SFRP2: variants seen among roughly 807,000 people sequenced by gnomAD.
SFRP2 encodes the protein secreted frizzled related protein 2.
Under a neutral mutation model 26.0 loss-of-function variants are expected in SFRP2, and 16 were observed. The observed-to-expected ratio is 0.61, with a 90% confidence interval of 0.42 to 0.93. SFRP2 has a LOEUF of 0.93. SFRP2 is among the 40% of genes least tolerant of loss of function. The probability of loss-of-function intolerance (pLI) is 0.00; values close to 1 mark genes in which losing one functional copy is unlikely to be tolerated. For synonymous variants in SFRP2, 173 were observed against 167.3 expected (o/e 1.03, Z -0.26); for missense variants, 343 against 392.4 (o/e 0.87, Z 1.06).
chr4:153,788,620 C>A lies in SFRP2; in HGVS notation c.216G>T (p.Val72=), dbSNP rs1234610885. The A allele has an allele frequency of 2.5e-6, 4 of 1,614,190 alleles. No homozygotes were observed. The South Asian group carries it at 4.4e-5, about 18-fold the overall frequency. Residue 72 remains valine (V), a synonymous_variant, in exon 1 of 3, where the codon GTG becomes GTT. Coordinates refer to ENST00000274063, the MANE Select transcript of SFRP2 (RefSeq NM_003013.3). ...GGATCCAAGCGCCGGCCTGCTCCAG[C>A]ACCTCCTTCATGGTCTCGTGGCCCA... ...NLLGHETMKE[V]LEQAGAWIPL... is the part of the protein sequence containing the mutation.
intron 2 of SFRP2, among the ~76,000 whole-genome samples, chr4:153,784,410 C>T (rs187388602): frequency 3.3e-5 from 5 of 152,304 alleles, no homozygotes; most frequent in Admixed American, 1.3e-4. Flanking sequence ...TATGAAACCC[C>T]GTCAGCCCCA....
chr4:153,785,854 T>C lies in SFRP2; in HGVS notation c.583+10A>G. Reference sequence around the variant, plus strand: ...AATGTGAAATCTGTTGTTGTTGTTGTATTACTTACCAAAATCATTTTTACA... The same window carrying C: ...AATGTGAAATCTGTTGTTGTTGTTGCATTACTTACCAAAATCATTTTTACA... On this transcript the variant is annotated intron_variant, in intron 2 of 2. Transcript: ENST00000274063. 1 of 1,529,908 alleles carries C rather than the reference T, an allele frequency of 6.5e-7. No individual in the cohort carries two copies. Among genetic ancestry groups the C allele is most frequent in the Non-Finnish European group, 8.9e-7 (1 of 1,118,970 alleles). 94.8% of individuals were successfully genotyped at this position (1,529,908 alleles called of 1,614,324 possible).
chr4:153,788,414 T>C lies in SFRP2; in HGVS notation c.422A>G (p.Glu141Gly). 6.2e-7 allele frequency: 1 copy of C among 1,614,016 alleles called. No homozygotes were observed. The highest frequency in any genetic ancestry group is 8.5e-7 in the Non-Finnish European group (1 of 1,180,030). Residue 141 changes from glutamate to glycine, a missense_variant, in exon 1 of 3, where the codon GAG becomes GGG. Glu to Gly is a moderately conservative substitution (Grantham distance 98). Coordinates refer to ENST00000274063, the MANE Select transcript of SFRP2 (RefSeq NM_003013.3). ...GTTGTCCTGGGGGAAACGGTCGCAC[T>C]CAAGCATGTCGGGCCAGGGGAAGCC... Reference protein sequence around the residue: ...AFGFPWPDMLECDRFPQDNDL... With the variant: ...AFGFPWPDMLGCDRFPQDNDL...
Position 153,788,543 on chromosome 4 carries a change from A to T in SFRP2, c.293T>A (p.Leu98His). ...HPDTKKFLCSLFAPVCLDDLD... is the reference protein window; with the variant it reads ...HPDTKKFLCSHFAPVCLDDLD... ...GTCATCGAGGCAGACGGGGGCGAAG[A>T]GCGAGCACAGGAACTTCTTGGTGTC... The change falls in exon 1 of 3, where the codon CTC becomes CAC. Residue 98 changes from leucine (L) to histidine (H), a missense_variant. Physicochemically the swap from Leu to His is moderately conservative, Grantham distance 99. Coordinates refer to ENST00000274063, the MANE Select transcript of SFRP2 (RefSeq NM_003013.3). 1.2e-6 allele frequency: 2 copies of T among 1,614,088 alleles called. No homozygotes were observed. Among genetic ancestry groups the T allele is most frequent in the Non-Finnish European group, 1.7e-6 (2 of 1,180,020 alleles).
In SFRP2 at chr4:153,788,702, G is replaced by A. The variant is rs4643790; in HGVS notation, c.134C>T (p.Ala45Val). 284,547 of 1,613,908 alleles carry A rather than the reference G, an allele frequency of 0.18. 27,087 individuals are homozygous for A. Among genetic ancestry groups the A allele is most frequent in the African/African-American group, 0.27 (20,004 of 74,972 alleles). Residue 45 changes from alanine (A) to valine (V), a missense_variant, in exon 1 of 3, where the codon GCC becomes GTC. Coordinates refer to ENST00000274063, the MANE Select transcript of SFRP2 (RefSeq NM_003013.3). ...YKRSNCKPIP[A>V]NLQLCHGIEY... Reference sequence around the variant, plus strand: ...GATGCCGTGGCACAGCTGCAGGTTGGCAGGGATGGGCTTGCAATTGCTGCG... The same window carrying A: ...GATGCCGTGGCACAGCTGCAGGTTGACAGGGATGGGCTTGCAATTGCTGCG...
In SFRP2 at chr4:153,788,914, G is replaced by C; in HGVS notation, c.-79C>G. 1 of 1,428,510 alleles carries C rather than the reference G, an allele frequency of 7.0e-7. No homozygotes were observed. Among genetic ancestry groups the C allele is most frequent in the Non-Finnish European group, 9.2e-7 (1 of 1,092,078 alleles). 88.5% of individuals were successfully genotyped at this position (1,428,510 alleles called of 1,614,324 possible). A position where few individuals can be genotyped will look rare whatever the true frequency, so the allele number is the denominator to read the frequency against. On this transcript the variant is annotated 5_prime_UTR_variant, in exon 1 of 3. Transcript: ENST00000274063. ...GCGGCCGGAGTTCGAGCTTGTCCCG[G>C]GCCCGCTCTCTTCGCTGGGTGCGAC...
Position 153,780,995 on chromosome 4 carries a change from C to T in SFRP2, c.*456G>A, listed in dbSNP as rs564550445. The T allele has an allele frequency of 5.9e-6, 1 of 168,678 alleles. No individual in the cohort carries two copies. Among genetic ancestry groups the T allele is most frequent in the African/African-American group, 2.4e-5 (1 of 41,894 alleles). The allele number at this position is 168,678 out of a possible 1,614,324, so 10.4% of individuals were successfully genotyped here. On this transcript the variant is annotated 3_prime_UTR_variant, in exon 3 of 3. Transcript: ENST00000274063. ...ATGAAGATGTTGAGATAACAGCCAGCTTTATCTCAACAGGGTTTGTGACCC... is the reference window on the plus strand; with the variant it reads ...ATGAAGATGTTGAGATAACAGCCAGTTTTATCTCAACAGGGTTTGTGACCC...
chr4:153,785,655 T>C (rs1741192231), intron 2 of SFRP2, among the ~76,000 whole-genome samples: 1 of 147,886 alleles, frequency 6.8e-6, no homozygotes, highest in South Asian at 2.2e-4. Context: ...GAACAATGAG[T>C]CTCACCTAAC....
intron 2 of SFRP2, among the ~76,000 whole-genome samples, chr4:153,785,155 C>CA (rs1553961237): frequency 2.6e-5 from 4 of 151,256 alleles, no homozygotes; most frequent in Non-Finnish European, 5.9e-5. Flanking sequence ...AATTTCTAAG[C>CA]TTTTTTTTTC....
rs1295369354 is a variant in SFRP2, at chr4:153,788,304, G to T, written c.502+30C>A. ...CTCCTGGGAGCGTCTCAGCCCAGCA[G>T]GGAGTGGGGAAGCAAGAGGGAAGGC... On this transcript the variant is annotated intron_variant, in intron 1 of 2. Coordinates refer to ENST00000274063, the MANE Select transcript of SFRP2 (RefSeq NM_003013.3). 2.5e-6 allele frequency: 4 copies of T among 1,597,232 alleles called. No individual in the cohort carries two copies. The South Asian group carries it at 4.5e-5, about 18-fold the overall frequency.
intron 1 of SFRP2, 130 bp downstream of exon 1, chr4:153,788,204 C>T (rs1353801447): frequency 6.4e-6 from 7 of 1,099,518 alleles, no homozygotes; most frequent in African/African-American, 1.6e-5. Flanking sequence ...CAGACCAGGT[C>T]AGGCAGAACT....
intron 1 of SFRP2, 31 bp from the exon 2 acceptor site, chr4:153,785,975 T>C (rs746223049): frequency 2.0e-6 from 3 of 1,491,986 alleles, no homozygotes; most frequent in Non-Finnish European, 2.7e-6. Context: ...CTTTAGTAAG[T>C]TTGCTTAAAA....
chr4:153,788,595 G>T lies in SFRP2; in HGVS notation c.241C>A (p.Pro81Thr). 1 of 1,614,192 alleles carries T rather than the reference G, an allele frequency of 6.2e-7. No homozygotes were observed. Among genetic ancestry groups the T allele is most frequent in the Non-Finnish European group, 8.5e-7 (1 of 1,180,016 alleles). ...EVLEQAGAWI[P>T]LVMKQCHPDT... ...GGGTGGCACTGCTTCATGACCAGCG[G>T]GATCCAAGCGCCGGCCTGCTCCAGC... The change falls in exon 1 of 3, where the codon CCG becomes ACG. Residue 81 changes from proline (P) to threonine (T), a missense_variant. Around this residue, in one of 2 missense-constraint regions of SFRP2, gnomAD observed 251 missense variants for 253.3 expected, o/e 0.99. Coordinates refer to ENST00000274063, the MANE Select transcript of SFRP2 (RefSeq NM_003013.3).
chr4:153,782,038 C>T (rs927092159), intron 2 of SFRP2, among the ~76,000 whole-genome samples: 1 of 152,206 alleles, frequency 6.6e-6, no homozygotes, highest in African/African-American at 2.4e-5. Flanking sequence ...CTCCTTTCCT[C>T]ACTCACCCTT....
Position 153,789,019 on chromosome 4 carries a change from TGCAAG to T in SFRP2, c.-189_-185del. The T allele has an allele frequency of 1.9e-6, 1 of 538,214 alleles. No homozygotes were observed. Among genetic ancestry groups the T allele is most frequent in the Non-Finnish European group, 2.9e-6 (1 of 339,332 alleles). 33.3% of individuals were successfully genotyped at this position (538,214 alleles called of 1,614,324 possible). ...CGGGAGGACAGCGCGGGCGAGGCGC[TGCAAG>T]CCCGCGCGCAGCTCCGGGGGGCTCC... On this transcript the variant is annotated 5_prime_UTR_variant, in exon 1 of 3. Coordinates refer to ENST00000274063, the MANE Select transcript of SFRP2 (RefSeq NM_003013.3).
chr4:153,783,369 C>A (rs985092742), intron 2 of SFRP2, among the ~76,000 whole-genome samples: 8 of 152,312 alleles, frequency 5.3e-5, no homozygotes, highest in African/African-American at 1.9e-4. Flanking sequence ...TCAGAAAAAA[C>A]CATCACTTTT....
chr4:153,785,080 C>T (rs780699961), intron 2 of SFRP2, among the ~76,000 whole-genome samples: 2 of 152,188 alleles, frequency 1.3e-5, no homozygotes, highest in African/African-American at 2.4e-5. Flanking sequence ...ACTTATGGAA[C>T]ATATCACATG....
At position 153,785,909 on chromosome 4, in the gene SFRP2, C is replaced by T. The variant is rs754658364; in HGVS notation, c.538G>A (p.Asp180Asn). Residue 180 changes from aspartate to asparagine, a missense_variant, in exon 2 of 3, where the codon GAT (aspartate) becomes AAT (asparagine). Transcript: ENST00000274063. ...KVCEACKNKN[D>N]DDNDIMETLC... The stretch of plus-strand genomic sequence containing the variant: ...GTTTCCATTATGTCGTTGTCATCAT[C>T]ATTTTTATTTTTGCAGGCTTCACAT... 1.6e-5 allele frequency: 26 copies of T among 1,604,324 alleles called. No homozygotes were observed. The highest frequency in any genetic ancestry group is 3.4e-6 in the Non-Finnish European group (4 of 1,175,896).
rs751262135 is a variant in SFRP2 at position 153,785,871 on chromosome 4, A to G, written c.576T>C (p.Asn192=). 12 of 1,588,824 alleles carry G rather than the reference A, an allele frequency of 7.6e-6. No homozygotes were observed. Among genetic ancestry groups the G allele is most frequent in the African/African-American group, 2.7e-5 (2 of 73,788 alleles). The change falls in exon 2 of 3, where the codon AAT becomes AAC. Residue 192 remains asparagine (N), a synonymous_variant. Coordinates refer to ENST00000274063, the MANE Select transcript of SFRP2 (RefSeq NM_003013.3). ...TGTTGTTGTATTACTTACCAAAATCATTTTTACAAAGCGTTTCCATTATGT... is the reference window on the plus strand; with the variant it reads ...TGTTGTTGTATTACTTACCAAAATCGTTTTTACAAAGCGTTTCCATTATGT... ...DNDIMETLCK[N]DFALKIKVKE...
Sources: allele counts gnomAD v4.1 joint callset (sites outside exome capture counted in the v4.1 genomes callset), GRCh38; gene constraint gnomAD v4.1.1; regional missense constraint gnomAD v4.1.1; transcripts MANE v1.5; gene names NCBI Gene and HGNC (gene_info 2026-07-23, HGNC 2026-07-21).